Variants in ANO4 observed in about 807,000 individuals in gnomAD.
The protein encoded by ANO4 is anoctamin-4.
A neutral mutation model predicts 141.9 loss-of-function variants in ANO4; 69 were observed. The observed-to-expected ratio is 0.49, with a 90% CI of 0.40 to 0.59. The LOEUF (loss-of-function observed/expected upper bound fraction) is 0.59. Ranked by LOEUF, ANO4 falls within the 20% of genes least tolerant of loss-of-function variation. The probability of loss-of-function intolerance (pLI) is 0.00; values close to 1 mark genes in which losing one functional copy is unlikely to be tolerated. For missense variants in ANO4, 894 were observed against 1,162.2 expected (o/e 0.77, Z 3.36); for synonymous variants, 350 against 394.3 (o/e 0.89, Z 1.33).
intron 3 of ANO4, among the ~76,000 whole-genome samples, chr12:100,926,685 C>T (rs750553097): frequency 2.0e-5 from 3 of 151,932 alleles, no homozygotes; most frequent in Non-Finnish European, 4.4e-5. Flanking sequence ...ACCCTTCACT[C>T]TCCATTCCAA....
At chr12:100,772,104 T>G (rs2033324578) in intron 3 of ANO4, among the ~76,000 whole-genome samples, 1 of 152,132 alleles carries the variant, frequency 6.6e-6, no homozygotes, top group African/African-American at 2.4e-5. Flanking sequence ...AATTAAAGAA[T>G]ATTTAGTAGG....
At chr12:100,954,311 G>A (rs546437621) in intron 5 of ANO4, among the ~76,000 whole-genome samples, 14 of 152,296 alleles carry the variant, frequency 9.2e-5, no homozygotes, top group Non-Finnish European at 2.1e-4. Context: ...CACCACAGCA[G>A]CAGGTCACAG....
intron 19 of ANO4, 63 bp from the exon 20 acceptor site, chr12:101,097,588 G>C: frequency 6.8e-7 from 1 of 1,475,942 alleles, no homozygotes; most frequent in Non-Finnish European, 9.5e-7. Flanking sequence ...TAAACTAAAT[G>C]TAATATTCGC....
intron 24 of ANO4, among the ~76,000 whole-genome samples, chr12:101,112,267 T>C (rs1286065658): frequency 6.6e-6 from 1 of 152,186 alleles, no homozygotes; most frequent in African/African-American, 2.4e-5. Context: ...AATGCCTATA[T>C]TACCCCAAGC....
At chr12:100,811,989 C>T (rs1439961098) in intron 1 of ANO4, among the ~76,000 whole-genome samples, 1 of 151,680 alleles carries the variant, frequency 6.6e-6, no homozygotes, top group Non-Finnish European at 1.5e-5. Flanking sequence ...CATGTGTGTA[C>T]ACATATGCAC....
In ANO4 at chr12:101,043,810, G is replaced by GT. The variant is rs1370814639; in HGVS notation, c.1251+176dup. ...TCCCATATCTTTGTTAATTGTCCATGTATTTGGAAGGCATGGCTCTAGACA... is the reference window on the plus strand; with the variant it reads ...TCCCATATCTTTGTTAATTGTCCATGTTATTTGGAAGGCATGGCTCTAGACA... On this transcript the variant is annotated intron_variant, in intron 13 of 27. Transcript: ENST00000392977. 3.3e-5 allele frequency among the ~76,000 whole-genome samples: 5 copies of GT among 152,290 alleles called. No individual in the cohort carries two copies. In the East Asian group the frequency reaches 9.6e-4, roughly 29 times the overall value.
intron 1 of ANO4, among the ~76,000 whole-genome samples, chr12:100,870,563 C>A (rs2038980365): frequency 6.6e-6 from 1 of 152,044 alleles, no homozygotes; most frequent in African/African-American, 2.4e-5. Flanking sequence ...TTCTTACTTT[C>A]AAATACCATC....
At chr12:101,086,341 G>A (rs60891632) in intron 16 of ANO4, among the ~76,000 whole-genome samples, 2,790 of 152,116 alleles carry the variant, frequency 0.018, 103 homozygotes, top group African/African-American at 0.064. Context: ...ATTTTAAACC[G>A]AAGAGTGACA....
intron 7 of ANO4, among the ~76,000 whole-genome samples, chr12:100,982,095 T>C (rs1224840742): frequency 1.3e-5 from 2 of 152,216 alleles, no homozygotes; most frequent in South Asian, 2.1e-4. Context: ...AACAACTTTC[T>C]GTAAAAATAA....
At chr12:100,845,729 A>C (rs1327554165) in intron 1 of ANO4, among the ~76,000 whole-genome samples, 1 of 152,134 alleles carries the variant, frequency 6.6e-6, no homozygotes, top group Non-Finnish European at 1.5e-5. Context: ...TAAACTAAGG[A>C]AAGGGGGAAT....
At chr12:100,845,006 A>G (rs1436321007) in intron 1 of ANO4, among the ~76,000 whole-genome samples, 1 of 152,162 alleles carries the variant, frequency 6.6e-6, no homozygotes, top group Non-Finnish European at 1.5e-5. Context: ...TTTTATTGCT[A>G]AATCCAAGAG....
intron 1 of ANO4, among the ~76,000 whole-genome samples, chr12:100,900,310 T>C (rs2040532643): frequency 6.6e-6 from 1 of 152,154 alleles, no homozygotes; most frequent in Non-Finnish European, 1.5e-5. Context: ...CTTATTTATT[T>C]ATTTTTATTA....
At position 101,110,555 on chromosome 12, in the gene ANO4, A is replaced by G; in HGVS notation, c.2301A>G (p.Ile767Met). The change falls in exon 23 of 28, where the codon ATA becomes ATG. Residue 767 changes from isoleucine to methionine, a missense_variant and splice_region_variant. By Grantham distance (10) the Ile-to-Met change is conservative. Transcript: ENST00000392977. ...CTTTAGCTTCAAGGGCCAAAGACAT[A>G]GGTAAGTTGGATTTGGGTATGTTTT... The part of the protein sequence containing the change: ...RRPLASRAKD[I>M]GIWYGILEGI... 1 of 1,569,188 alleles carries G rather than the reference A, an allele frequency of 6.4e-7. No individual in the cohort carries two copies. Among genetic ancestry groups the G allele is most frequent in the South Asian group, 1.3e-5 (1 of 79,830 alleles).
chr12:101,117,491 T>G (rs1284882522), intron 25 of ANO4, among the ~76,000 whole-genome samples: 1 of 152,190 alleles, frequency 6.6e-6, no homozygotes, highest in African/African-American at 2.4e-5. Flanking sequence ...CACTAAAAGC[T>G]CAATGAGATT....
At chr12:101,084,806 T>G (rs1593228535) in intron 16 of ANO4, among the ~76,000 whole-genome samples, 1 of 152,218 alleles carries the variant, frequency 6.6e-6, no homozygotes, top group East Asian at 1.9e-4. Flanking sequence ...CTTTTCCTGT[T>G]CTATGGATGG....
chr12:100,824,738 T>A (rs965366031), intron 1 of ANO4, among the ~76,000 whole-genome samples: 1 of 152,056 alleles, frequency 6.6e-6, no homozygotes, highest in Non-Finnish European at 1.5e-5. Flanking sequence ...CTCTGAATGT[T>A]TACTTCGCAG....
At chr12:100,755,524 A>G (rs1209787955) in intron 3 of ANO4, among the ~76,000 whole-genome samples, 1 of 152,174 alleles carries the variant, frequency 6.6e-6, no homozygotes, top group East Asian at 1.9e-4. Flanking sequence ...TAGTTGATCA[A>G]TATTTATTGA....
At chr12:100,985,321 A>G (rs1344858347) in intron 7 of ANO4, among the ~76,000 whole-genome samples, 2 of 152,216 alleles carry the variant, frequency 1.3e-5, no homozygotes, top group South Asian at 2.1e-4. Flanking sequence ...TGGTTGCTCA[A>G]TATTTTTATT....
At chr12:100,899,284 G>A (rs916370528) in intron 1 of ANO4, among the ~76,000 whole-genome samples, 1 of 152,174 alleles carries the variant, frequency 6.6e-6, no homozygotes, top group Non-Finnish European at 1.5e-5. Flanking sequence ...AATTCATGTG[G>A]AGGTAGATGT....
Sources: allele counts gnomAD v4.1 joint callset (sites outside exome capture counted in the v4.1 genomes callset), GRCh38; gene constraint gnomAD v4.1.1; transcripts MANE v1.5; gene names NCBI Gene and HGNC (gene_info 2026-07-23, HGNC 2026-07-21).